The following GHR variants were observed in gnomAD, a reference collection of about 807,000 sequenced individuals.
GHR encodes the protein growth hormone receptor, also known as GH receptor.
A neutral mutation model predicts 67.1 loss-of-function variants in GHR; 35 were observed. That is an observed-to-expected ratio of 0.52 (90% confidence interval 0.40 to 0.69). GHR has a LOEUF of 0.69. Ranked by LOEUF, GHR falls within the 30% of genes least tolerant of loss-of-function variation. The probability of loss-of-function intolerance (pLI) is 0.00; values close to 1 mark genes in which losing one functional copy is unlikely to be tolerated. For synonymous variants in GHR, 272 were observed against 269.1 expected (o/e 1.01, Z -0.10); for missense variants, 792 against 764.6 (o/e 1.04, Z -0.42).
At chr5:42,711,431 G>C in intron 7 of GHR, 59 bp downstream of exon 7, 1 of 1,156,476 alleles carries the variant, frequency 8.6e-7, no homozygotes. Context: ...TATAACAGTT[G>C]ATTCACCCCT....
At chr5:42,620,505 A>C (rs10076586) in intron 2 of GHR, among the ~76,000 whole-genome samples, 1 of 152,140 alleles carries the variant, frequency 6.6e-6, no homozygotes, top group South Asian at 2.1e-4. Context: ...CCAGATATTA[A>C]AAACAAAATT....
intron 2 of GHR, among the ~76,000 whole-genome samples, chr5:42,591,858 A>G (rs1486057795): frequency 1.3e-5 from 2 of 152,140 alleles, no homozygotes; most frequent in Non-Finnish European, 2.9e-5. Context: ...TGACTTATGA[A>G]GTATTATGAA....
intron 1 of GHR, among the ~76,000 whole-genome samples, chr5:42,529,044 C>T (rs574264939): frequency 6.2e-4 from 92 of 147,672 alleles, no homozygotes; most frequent in South Asian, 4.5e-3. Flanking sequence ...CAGAGTCTTG[C>T]TCTGTAGCCC....
intron 3 of GHR, among the ~76,000 whole-genome samples, chr5:42,659,031 C>A (rs1755417367): frequency 6.6e-6 from 1 of 152,074 alleles, no homozygotes; most frequent in Non-Finnish European, 1.5e-5. Flanking sequence ...AAGTTTCAGA[C>A]ATTTTCTTGG....
At chr5:42,575,456 C>T (rs957358919) in intron 2 of GHR, among the ~76,000 whole-genome samples, 4 of 151,772 alleles carry the variant, frequency 2.6e-5, no homozygotes, top group South Asian at 2.1e-4. Context: ...GAAAATGAGA[C>T]GGGGAAGGTA....
chr5:42,581,357 G>A (rs538456844), intron 2 of GHR, among the ~76,000 whole-genome samples: 2 of 152,292 alleles, frequency 1.3e-5, no homozygotes, highest in Admixed American at 1.3e-4. Context: ...AAGAGAGATT[G>A]TGTCTGTTAT....
chr5:42,584,786 TACAC>T (rs35457239), intron 2 of GHR, among the ~76,000 whole-genome samples: 51,798 of 147,972 alleles, frequency 0.35, 10,177 homozygotes, highest in African/African-American at 0.55. Flanking sequence ...CTAGAATGTA[TACAC>T]ACACACACAC....
At chr5:42,446,420 G>A (rs1296680995) in intron 1 of GHR, among the ~76,000 whole-genome samples, 1 of 152,202 alleles carries the variant, frequency 6.6e-6, no homozygotes, top group Non-Finnish European at 1.5e-5. Context: ...CTTTAAAGTG[G>A]CTAGATCAGA....
chr5:42,608,013 C>G (rs1342670236), intron 2 of GHR, among the ~76,000 whole-genome samples: 1 of 152,100 alleles, frequency 6.6e-6, no homozygotes, highest in African/African-American at 2.4e-5. Context: ...TATGGGCAAC[C>G]TAGAACAGTC....
chr5:42,702,806 C>T (rs766696236), intron 6 of GHR, among the ~76,000 whole-genome samples: 11 of 152,076 alleles, frequency 7.2e-5, no homozygotes, highest in Non-Finnish European at 1.3e-4. Flanking sequence ...TTACATTTCC[C>T]TGATGATTAA....
intron 2 of GHR, among the ~76,000 whole-genome samples, chr5:42,598,283 G>T (rs549576585): frequency 1.2e-4 from 19 of 152,158 alleles, no homozygotes; most frequent in Non-Finnish European, 2.6e-4. Flanking sequence ...GTTGTTGAGG[G>T]CATTTTATGC....
chr5:42,601,608 T>C (rs4361525), intron 2 of GHR, among the ~76,000 whole-genome samples: 4,238 of 152,270 alleles, frequency 0.028, 152 homozygotes, highest in African/African-American at 0.084. Context: ...AAATTCTTAT[T>C]AAAGCATTAA....
intron 6 of GHR, among the ~76,000 whole-genome samples, chr5:42,710,214 T>C (rs1758387823): frequency 2.0e-5 from 3 of 152,016 alleles, no homozygotes; most frequent in Non-Finnish European, 2.9e-5. Flanking sequence ...ACTTTGTGAG[T>C]AGAAACTATT....
intron 2 of GHR, among the ~76,000 whole-genome samples, chr5:42,594,118 A>T (rs926389571): frequency 6.6e-6 from 1 of 152,220 alleles, no homozygotes; most frequent in Admixed American, 6.5e-5. Flanking sequence ...TCAGCAATGT[A>T]CTCATGAAAA....
chr5:42,506,481 CA>C (rs765649363), intron 1 of GHR, among the ~76,000 whole-genome samples: 1 of 152,034 alleles, frequency 6.6e-6, no homozygotes. Flanking sequence ...TTCTTGGGAG[CA>C]AAAAATTTAA....
chr5:42,719,628 G>C lies in GHR; in HGVS notation c.*204G>C, dbSNP rs1171772984. 1 of 589,902 alleles carries C rather than the reference G, an allele frequency of 1.7e-6. No individual in the cohort carries two copies. The allele number at this position is 589,902 out of a possible 1,614,324, so 36.5% of individuals were successfully genotyped here. ...TTAATCAGATAGATATTCCTATTGT[G>C]CAATGTAAATATTTTAAAGAATTGT... On this transcript the variant is annotated 3_prime_UTR_variant, in exon 10 of 10. Transcript: ENST00000230882.
intron 7 of GHR, among the ~76,000 whole-genome samples, chr5:42,712,313 G>A (rs557161073): frequency 9.8e-4 from 149 of 152,094 alleles, no homozygotes; most frequent in South Asian, 2.9e-3. Context: ...TTGATATTAT[G>A]CAATTCTGGC....
intron 3 of GHR, among the ~76,000 whole-genome samples, chr5:42,648,386 T>C (rs920075231): frequency 4.6e-5 from 7 of 152,136 alleles, no homozygotes; most frequent in African/African-American, 1.7e-4. Context: ...TGAGGGGACA[T>C]GGCCAGTAGT....
At chr5:42,628,421 C>T (rs1443647162) in intron 2 of GHR, among the ~76,000 whole-genome samples, 2 of 133,764 alleles carry the variant, frequency 1.5e-5, no homozygotes, top group Non-Finnish European at 3.2e-5. Context: ...AAAGTGTGCC[C>T]AAGGCCGTCA....
Sources: gnomAD v4.1 joint callset for allele counts (sites outside exome capture counted in the v4.1 genomes callset) on GRCh38, gnomAD v4.1.1 for gene constraint, MANE v1.5 for transcripts, NCBI Gene and HGNC (gene_info 2026-07-23, HGNC 2026-07-21) for gene names.